Variants in DTNA observed in about 807,000 individuals in gnomAD.
DTNA encodes the protein dystrobrevin alpha, also known as dystrophin-related protein 3.
DTNA carries 43 observed loss-of-function variants against 100.7 expected under a neutral mutation model. The observed-to-expected ratio is 0.43, with a 90% CI of 0.33 to 0.55. The LOEUF (loss-of-function observed/expected upper bound fraction) is 0.55. Ranked by LOEUF, DTNA falls within the 20% of genes least tolerant of loss-of-function variation. The pLI is 0.04. For synonymous variants in DTNA, 349 were observed against 347.9 expected, an observed-to-expected ratio of 1.00 and a Z score of -0.04; for missense variants, 798 against 953.9, an observed-to-expected ratio of 0.84 and a Z score of 2.15.
chr18:34,691,864 C>T (rs532992936), intron 1 of DTNA, among the ~76,000 whole-genome samples: 2 of 152,334 alleles, frequency 1.3e-5, no homozygotes, highest in Non-Finnish European at 2.9e-5. Context: ...TCCAGCACAG[C>T]TGCTGCTGTT....
Position 34,801,543 on chromosome 18 carries a change from G to T in DTNA, c.363-4676G>T, listed in dbSNP as rs193109011. Reference sequence around the variant, plus strand: ...TTTTTTTTTTTTGAGATGGAGTCTCGCTCTGTCAACAGGCTGGAGTGCAGT... The same window carrying T: ...TTTTTTTTTTTTGAGATGGAGTCTCTCTCTGTCAACAGGCTGGAGTGCAGT... On this transcript the variant is annotated intron_variant, in intron 4 of 22. Transcript: ENST00000444659. 2.6e-4 allele frequency among the ~76,000 whole-genome samples: 37 copies of T among 143,094 alleles called. 1 individual carries two copies. In the East Asian group the frequency reaches 7.3e-3, roughly 28 times the overall value. The allele number at this position is 143,094 out of a possible 152,430, so 93.9% of individuals were successfully genotyped here.
chr18:34,751,165 A>G (rs2092281691), intron 1 of DTNA, among the ~76,000 whole-genome samples: 1 of 152,310 alleles, frequency 6.6e-6, no homozygotes, highest in South Asian at 2.1e-4. Context: ...TGGGAGAGAA[A>G]AAGCTGAGGT....
At chr18:34,624,785 T>A (rs1042589273) in intron 1 of DTNA, among the ~76,000 whole-genome samples, 3 of 152,208 alleles carry the variant, frequency 2.0e-5, no homozygotes, top group Non-Finnish European at 4.4e-5. Context: ...ATAAGTGCTT[T>A]AATAGTTGAA....
At chr18:34,868,308 A>C in intron 17 of DTNA, 1 of 275,530 alleles carries the variant, frequency 3.6e-6, no homozygotes, top group Non-Finnish European at 5.5e-6. Context: ...GAAAAAAAGC[A>C]GTCATAGATT....
intron 1 of DTNA, among the ~76,000 whole-genome samples, chr18:34,616,753 A>G (rs115298170): frequency 0.028 from 4,195 of 152,308 alleles, 78 homozygotes; most frequent in South Asian, 0.058. Flanking sequence ...CTTCCTATCA[A>G]TGAGCATGGA....
At chr18:34,867,284 G>A (rs2096716116) in intron 17 of DTNA, 1 of 1,231,234 alleles carries the variant, frequency 8.1e-7, no homozygotes, top group South Asian at 4.1e-5. Context: ...CTGTAAAAAA[G>A]GAAAGTGTAA....
intron 13 of DTNA, among the ~76,000 whole-genome samples, chr18:34,841,892 AT>A (rs2096275022): frequency 6.6e-6 from 1 of 152,162 alleles, no homozygotes; most frequent in African/African-American, 2.4e-5. Context: ...AAACTGACTT[AT>A]TTGTAATAGT....
intron 1 of DTNA, among the ~76,000 whole-genome samples, chr18:34,570,757 T>C (rs2047509187): frequency 6.6e-6 from 1 of 152,194 alleles, no homozygotes; most frequent in South Asian, 2.1e-4. Context: ...AGGTCACAAA[T>C]CCTTGCACTA....
chr18:34,563,733 C>T (rs1037424720), intron 1 of DTNA, among the ~76,000 whole-genome samples: 35 of 152,172 alleles, frequency 2.3e-4, no homozygotes, highest in Non-Finnish European at 1.2e-4. Flanking sequence ...AGTGATATTA[C>T]TCTCCACTGA....
intron 1 of DTNA, among the ~76,000 whole-genome samples, chr18:34,559,400 A>C (rs538649426): frequency 1.3e-5 from 2 of 152,240 alleles, no homozygotes; most frequent in Non-Finnish European, 2.9e-5. Context: ...ATGGGCGTTT[A>C]AATGTGTGCA....
intron 1 of DTNA, among the ~76,000 whole-genome samples, chr18:34,681,732 C>T (rs200344156): frequency 7.1e-6 from 1 of 141,460 alleles, no homozygotes; most frequent in Admixed American, 6.9e-5. Flanking sequence ...ACACACACAC[C>T]CCACACACAC....
chr18:34,583,039 A>G (rs2048784217), intron 1 of DTNA, among the ~76,000 whole-genome samples: 1 of 152,242 alleles, frequency 6.6e-6, no homozygotes, highest in African/African-American at 2.4e-5. Flanking sequence ...GCAGAAGTTC[A>G]ATTACAAAAG....
intron 14 of DTNA, 88 bp from the exon 15 acceptor site, chr18:34,851,743 C>G: frequency 1.5e-6 from 2 of 1,345,884 alleles, no homozygotes; most frequent in Non-Finnish European, 2.1e-6. Context: ...TTCCCTCCTC[C>G]TTGTCTGCAT....
chr18:34,682,832 T>A (rs917465324), intron 1 of DTNA, among the ~76,000 whole-genome samples: 2 of 152,072 alleles, frequency 1.3e-5, no homozygotes, highest in African/African-American at 2.4e-5. Flanking sequence ...TTTGTTTTTT[T>A]AAAAACTGAA....
chr18:34,527,204 G>A (rs2042707964), intron 1 of DTNA, among the ~76,000 whole-genome samples: 1 of 151,844 alleles, frequency 6.6e-6, no homozygotes, highest in Non-Finnish European at 1.5e-5. Context: ...GATCTAGTAG[G>A]TAATATCTCT....
Position 34,889,322 on chromosome 18 carries a change from C to T in DTNA, c.*1588C>T, listed in dbSNP as rs1387560058. The T allele has an allele frequency of 2.0e-6, 2 of 980,844 alleles. No homozygotes were observed. The highest frequency in any genetic ancestry group is 3.5e-5 in the African/African-American group (2 of 57,146). 60.8% of individuals were successfully genotyped at this position (980,844 alleles called of 1,614,324 possible). ...AAATACTAATTTGTAAGCCCCACCTCAGGCCTACTGAATCAGAAGCTCTGG... is the reference window on the plus strand; with the variant it reads ...AAATACTAATTTGTAAGCCCCACCTTAGGCCTACTGAATCAGAAGCTCTGG... On this transcript the variant is annotated 3_prime_UTR_variant, in exon 23 of 23. Coordinates refer to ENST00000444659, the MANE Select transcript of DTNA (RefSeq NM_001386795.1).
chr18:34,560,372 C>G (rs1280271532), intron 1 of DTNA, among the ~76,000 whole-genome samples: 1 of 151,942 alleles, frequency 6.6e-6, no homozygotes. Flanking sequence ...TATTATTTAA[C>G]CAAATAAGTA....
intron 1 of DTNA, among the ~76,000 whole-genome samples, chr18:34,628,363 A>G (rs1047325898): frequency 3.3e-5 from 5 of 152,246 alleles, no homozygotes; most frequent in Non-Finnish European, 7.3e-5. Flanking sequence ...TCACATATTC[A>G]TGTGACACAG....
chr18:34,734,250 G>A (rs569561463), intron 1 of DTNA, among the ~76,000 whole-genome samples: 1 of 152,268 alleles, frequency 6.6e-6, no homozygotes, highest in South Asian at 2.1e-4. Context: ...GCAGTGCAGG[G>A]TTTATCTCTT....
Sources: allele counts gnomAD v4.1 joint callset (sites outside exome capture counted in the v4.1 genomes callset), GRCh38; gene constraint gnomAD v4.1.1; transcripts MANE v1.5; gene names NCBI Gene and HGNC (gene_info 2026-07-23, HGNC 2026-07-21).